The following GLIS3 variants were observed in gnomAD, a reference collection of about 807,000 sequenced individuals.
The protein encoded by GLIS3 is GLIS family zinc finger 3.
Under a neutral mutation model 78.6 loss-of-function variants are expected in GLIS3, and 53 were observed. That is an observed-to-expected ratio of 0.67 (90% confidence interval 0.54 to 0.85). GLIS3 has a LOEUF of 0.85. Among genes scored for constraint, GLIS3 ranks in the 40% least tolerant of loss-of-function variants. GLIS3 has a pLI of 0.00. For synonymous variants in GLIS3, 684 were observed against 509.9 expected (o/e 1.34, Z -4.60); for missense variants, 1,703 against 1,231.1 (o/e 1.38, Z -5.74).
chr9:4,177,201 G>A (rs568704861), intron 2 of GLIS3, among the ~76,000 whole-genome samples: 8 of 152,226 alleles, frequency 5.3e-5, no homozygotes, highest in Non-Finnish European at 1.2e-4. Context: ...TTATACTCCC[G>A]AGTTCAGTTT....
At chr9:3,845,784 G>A (rs10973760) in intron 9 of GLIS3, among the ~76,000 whole-genome samples, 30,846 of 152,112 alleles carry the variant, frequency 0.2, 3,663 homozygotes, top group East Asian at 0.54. Flanking sequence ...ATCCCATTGG[G>A]AGCCGTTAGA....
At chr9:3,841,216 T>C (rs4741859) in intron 9 of GLIS3, among the ~76,000 whole-genome samples, 130,323 of 152,228 alleles carry the variant, frequency 0.86, 56,511 homozygotes, top group East Asian at 1. Flanking sequence ...GCTGCCAAAG[T>C]AAACTAATTG....
At chr9:3,881,317 T>C (rs577483267) in intron 7 of GLIS3, among the ~76,000 whole-genome samples, 153 of 152,256 alleles carry the variant, frequency 1.0e-3, no homozygotes, top group African/African-American at 3.4e-3. Flanking sequence ...AGTTCTCCTA[T>C]TTATTTTGTT....
At chr9:4,123,432 TCAG>T (rs1196533657) in intron 3 of GLIS3, among the ~76,000 whole-genome samples, 2 of 152,142 alleles carry the variant, frequency 1.3e-5, no homozygotes, top group African/African-American at 4.8e-5. Context: ...ATTCTAATAA[TCAG>T]AATTGTGCAA....
chr9:3,928,163 C>G (rs908136483), intron 6 of GLIS3, among the ~76,000 whole-genome samples: 1 of 152,162 alleles, frequency 6.6e-6, no homozygotes, highest in Non-Finnish European at 1.5e-5. Context: ...CACGTGCATT[C>G]TAATATAGTT....
intron 1 of GLIS3, among the ~76,000 whole-genome samples, chr9:4,289,689 A>G (rs1218256125): frequency 6.6e-6 from 1 of 152,158 alleles, no homozygotes; most frequent in Non-Finnish European, 1.5e-5. Flanking sequence ...GAAAAAGAAA[A>G]AGCAAGGAAC....
intron 4 of GLIS3, chr9:4,070,921 C>G (rs1273580103): frequency 6.6e-6 from 1 of 152,088 alleles, no homozygotes; most frequent in African/African-American, 2.4e-5. Flanking sequence ...CTTTATGTAC[C>G]TGTATGTTAG....
At chr9:4,198,864 C>T (rs1437635401) in intron 2 of GLIS3, among the ~76,000 whole-genome samples, 2 of 152,176 alleles carry the variant, frequency 1.3e-5, no homozygotes, top group Non-Finnish European at 2.9e-5. Flanking sequence ...CAGCAAACTT[C>T]TCAGCAGAAA....
At chr9:3,876,653 AGAGAAAGAG>A (rs1821330196) in intron 8 of GLIS3, among the ~76,000 whole-genome samples, 6 of 3,954 alleles carry the variant, frequency 1.5e-3, no homozygotes, top group Non-Finnish European at 2.8e-3. Flanking sequence ...AGAGAGAGAG[AGAGAAAGAG>A]AGAGAGAAAG....
intron 4 of GLIS3, among the ~76,000 whole-genome samples, chr9:4,010,188 T>A (rs1412119109): frequency 1.3e-5 from 2 of 152,008 alleles, no homozygotes; most frequent in Non-Finnish European, 2.9e-5. Context: ...GAGCCACAGG[T>A]ATAGAGGTCA....
At chr9:4,148,999 C>T (rs899922275) in intron 2 of GLIS3, among the ~76,000 whole-genome samples, 2 of 152,160 alleles carry the variant, frequency 1.3e-5, no homozygotes. Flanking sequence ...TCCGTGGAAA[C>T]AAGATTATAA....
chr9:4,201,136 C>G (rs1025032019), intron 2 of GLIS3, among the ~76,000 whole-genome samples: 23 of 152,140 alleles, frequency 1.5e-4, no homozygotes, highest in African/African-American at 5.6e-4. Context: ...ATCAAACATG[C>G]CTTCATGATA....
At chr9:4,024,563 C>G (rs887132358) in intron 4 of GLIS3, among the ~76,000 whole-genome samples, 2 of 152,120 alleles carry the variant, frequency 1.3e-5, no homozygotes, top group Non-Finnish European at 2.9e-5. Context: ...TCCTGTTTTT[C>G]ACAATGATTT....
At chr9:4,452,774 C>A in the GLIS3 span, among the ~76,000 whole-genome samples, 1 of 152,038 alleles carries the variant, frequency 6.6e-6, no homozygotes, top group Admixed American at 6.6e-5. Context: ...AATGCTATCC[C>A]CATCAAGCTG....
intron 2 of GLIS3, among the ~76,000 whole-genome samples, chr9:4,250,166 A>C (rs1362400188): frequency 6.6e-6 from 1 of 151,924 alleles, no homozygotes. Context: ...CTCTTTTTCT[A>C]TTGTTTGGAA....
chr9:4,394,662 G>A, the GLIS3 span, among the ~76,000 whole-genome samples: 1 of 152,084 alleles, frequency 6.6e-6, no homozygotes, highest in Non-Finnish European at 1.5e-5. Context: ...TTCAGAAAAG[G>A]AAACCCACTG....
intron 4 of GLIS3, among the ~76,000 whole-genome samples, chr9:3,991,792 G>A (rs927473227): frequency 3.4e-5 from 5 of 147,934 alleles, no homozygotes; most frequent in African/African-American, 1.0e-4. Context: ...CCGGCTTCAT[G>A]CCATTCTCCT....
intron 4 of GLIS3, among the ~76,000 whole-genome samples, chr9:3,980,831 CT>C (rs535992306): frequency 1.3e-5 from 2 of 151,648 alleles, no homozygotes; most frequent in Non-Finnish European, 2.9e-5. Flanking sequence ...TCTTCTTCTT[CT>C]TTTTTTCTGC....
intron 9 of GLIS3, among the ~76,000 whole-genome samples, chr9:3,845,293 C>G (rs1365883118): frequency 1.3e-5 from 2 of 152,098 alleles, no homozygotes; most frequent in African/African-American, 2.4e-5. Flanking sequence ...TTAAAAAAAT[C>G]AAGTCATAAA....
Sources: gnomAD v4.1 joint callset for allele counts (sites outside exome capture counted in the v4.1 genomes callset) on GRCh38, gnomAD v4.1.1 for gene constraint, MANE v1.5 for transcripts, NCBI Gene and HGNC (gene_info 2026-07-23, HGNC 2026-07-21) for gene names.